The following ANKS1B variants were observed in gnomAD, a reference collection of about 807,000 sequenced individuals.
The protein encoded by ANKS1B is ankyrin repeat and sterile alpha motif domain containing 1B, also known as ankyrin repeat and sterile alpha motif domain-containing protein 1B.
A neutral mutation model predicts 148.3 loss-of-function variants in ANKS1B; 36 were observed. That is an observed-to-expected ratio of 0.24 (90% CI 0.19 to 0.32). ANKS1B has a LOEUF of 0.32. ANKS1B is among the 10% of genes least tolerant of loss of function. The pLI is 1.00. For missense variants in ANKS1B, 1,157 were observed against 1,542.6 expected (o/e 0.75, Z 4.19); for synonymous variants, 542 against 560.8 (o/e 0.97, Z 0.47).
chr12:99,689,567 G>C (rs1376067163), intron 8 of ANKS1B, among the ~76,000 whole-genome samples: 2 of 152,160 alleles, frequency 1.3e-5, no homozygotes, highest in Non-Finnish European at 2.9e-5. Context: ...ATCAAGCTGG[G>C]TTAGCTCAAG....
At chr12:98,775,231 A>C (rs1005416858) in intron 24 of ANKS1B, among the ~76,000 whole-genome samples, 1 of 152,120 alleles carries the variant, frequency 6.6e-6, no homozygotes, top group South Asian at 2.1e-4. Context: ...AGGTAGATGC[A>C]CTTCTTGGGA....
chr12:99,021,041 G>C (rs553121724), intron 17 of ANKS1B, among the ~76,000 whole-genome samples: 2 of 152,162 alleles, frequency 1.3e-5, no homozygotes, highest in South Asian at 4.1e-4. Context: ...CTTTGTATAT[G>C]CTGAATTTAA....
At chr12:98,998,805 A>G (rs2099931170) in intron 17 of ANKS1B, among the ~76,000 whole-genome samples, 1 of 152,174 alleles carries the variant, frequency 6.6e-6, no homozygotes, top group Admixed American at 6.5e-5. Context: ...TCGTTTTTAT[A>G]TTTTGCTTTG....
chr12:99,887,090 G>A (rs1423539916), intron 1 of ANKS1B, among the ~76,000 whole-genome samples: 2 of 152,064 alleles, frequency 1.3e-5, no homozygotes, highest in Non-Finnish European at 2.9e-5. Context: ...AGGTACGTGG[G>A]GTATTAATAT....
At chr12:99,110,193 AACT>A (rs546948398) in intron 15 of ANKS1B, among the ~76,000 whole-genome samples, 6 of 152,186 alleles carry the variant, frequency 3.9e-5, no homozygotes, top group Non-Finnish European at 8.8e-5. Context: ...ATAGATGAGA[AACT>A]GCAAGTCAAG....
intron 9 of ANKS1B, among the ~76,000 whole-genome samples, chr12:99,556,658 G>A (rs1235016952): frequency 6.6e-6 from 1 of 151,992 alleles, no homozygotes; most frequent in African/African-American, 2.4e-5. Context: ...GTTCTCCTTA[G>A]TATCAAATAA....
intron 8 of ANKS1B, among the ~76,000 whole-genome samples, chr12:99,756,875 T>G (rs181703029): frequency 5.0e-4 from 76 of 152,090 alleles, no homozygotes; most frequent in African/African-American, 1.8e-3. Context: ...AAATGGTGCT[T>G]GAATAACTGG....
At position 99,795,797 on chromosome 12, in the gene ANKS1B, C is replaced by T. The variant is rs1228061292; in HGVS notation, c.669+10607G>A. On this transcript the variant is annotated intron_variant, in intron 4 of 26. Transcript: ENST00000683438. ...AATCAGAATTCATTTCTGTTCATGT[C>T]TTCCATCCACAAATTCAAGGCCTTT... Among the ~76,000 whole-genome samples the T allele has an allele frequency of 4.6e-5, 7 of 152,124 alleles. No homozygotes were observed. The South Asian group carries it at 1.5e-3, about 32-fold the overall frequency.
At chr12:98,760,797 C>T (rs1346721068) in intron 25 of ANKS1B, among the ~76,000 whole-genome samples, 1 of 152,156 alleles carries the variant, frequency 6.6e-6, no homozygotes, top group African/African-American at 2.4e-5. Context: ...CTGCCAAGCC[C>T]AAGTGAAAAA....
chr12:98,841,074 C>T (rs200538931), intron 17 of ANKS1B, among the ~76,000 whole-genome samples: 1 of 152,086 alleles, frequency 6.6e-6, no homozygotes, highest in East Asian at 1.9e-4. Context: ...TGCTGTTTTG[C>T]TATATTTTGC....
chr12:98,893,300 A>AT (rs1445594480), intron 17 of ANKS1B, among the ~76,000 whole-genome samples: 1 of 152,166 alleles, frequency 6.6e-6, no homozygotes, highest in Non-Finnish European at 1.5e-5. Flanking sequence ...ATTATAGCCT[A>AT]TTTTATCACA....
At chr12:99,531,926 G>T (rs2096997375) in intron 9 of ANKS1B, among the ~76,000 whole-genome samples, 1 of 152,124 alleles carries the variant, frequency 6.6e-6, no homozygotes, top group Non-Finnish European at 1.5e-5. Context: ...GCTCACTGTG[G>T]TTTTAATTTG....
chr12:99,468,200 A>T (rs1256630041), intron 10 of ANKS1B, among the ~76,000 whole-genome samples: 2 of 152,166 alleles, frequency 1.3e-5, no homozygotes, highest in Non-Finnish European at 2.9e-5. Flanking sequence ...AGGATTCCCT[A>T]TTTAATAAAT....
intron 10 of ANKS1B, among the ~76,000 whole-genome samples, chr12:99,463,516 C>G (rs1208088778): frequency 1.3e-5 from 2 of 152,178 alleles, no homozygotes; most frequent in Non-Finnish European, 2.9e-5. Context: ...TGCAAGGGGG[C>G]AGGGAGTTCC....
chr12:99,216,141 C>T (rs903128419), intron 14 of ANKS1B, among the ~76,000 whole-genome samples: 1 of 152,198 alleles, frequency 6.6e-6, no homozygotes, highest in Non-Finnish European at 1.5e-5. Flanking sequence ...TTGCCTGCCA[C>T]CATGTAAGAT....
chr12:99,495,330 C>A (rs1389307447), intron 10 of ANKS1B, among the ~76,000 whole-genome samples: 1 of 140,812 alleles, frequency 7.1e-6, no homozygotes, highest in African/African-American at 2.8e-5. Context: ...AAATTGATTT[C>A]AGGGGAGAAA....
chr12:99,171,831 G>T (rs1019374621), intron 14 of ANKS1B, among the ~76,000 whole-genome samples: 1 of 152,132 alleles, frequency 6.6e-6, no homozygotes, highest in Non-Finnish European at 1.5e-5. Context: ...GGTGATCAGA[G>T]AATTAAGTCA....
intron 10 of ANKS1B, among the ~76,000 whole-genome samples, chr12:99,462,997 A>C (rs559634341): frequency 6.6e-6 from 1 of 152,334 alleles, no homozygotes; most frequent in South Asian, 2.1e-4. Flanking sequence ...GCAGAACTGC[A>C]AGCCAAACAA....
chr12:99,720,848 G>A (rs1032921461), intron 8 of ANKS1B, among the ~76,000 whole-genome samples: 4 of 152,128 alleles, frequency 2.6e-5, no homozygotes, highest in South Asian at 2.1e-4. Context: ...TTACACTGCC[G>A]GTTTACACTG....
Sources: gnomAD v4.1 joint callset for allele counts (sites outside exome capture counted in the v4.1 genomes callset) on GRCh38, gnomAD v4.1.1 for gene constraint, MANE v1.5 for transcripts, NCBI Gene and HGNC (gene_info 2026-07-23, HGNC 2026-07-21) for gene names.